The following SLC38A5 variants were observed in gnomAD, a reference collection of about 807,000 sequenced individuals.
SLC38A5 encodes the protein sodium-coupled neutral amino acid transporter 5.
Under a neutral mutation model 34.6 loss-of-function variants are expected in SLC38A5, and 9 were observed. The ratio of observed to expected loss-of-function variants is 0.26; its 90% CI spans 0.16 to 0.45. The LOEUF is 0.45. SLC38A5 is among the 20% of genes least tolerant of loss of function. SLC38A5 has a pLI of 1.00. For synonymous variants in SLC38A5, 157 were observed against 155.6 expected, an observed-to-expected ratio of 1.01 and a Z score of -0.07; for missense variants, 253 against 394.7, an observed-to-expected ratio of 0.64 and a Z score of 3.04.
Position 48,460,651 on chromosome X carries a change from G to T in SLC38A5, c.1066C>A (p.Pro356Thr). Residue 356 changes from proline (P) to threonine (T), a missense_variant and splice_region_variant, in exon 14 of 17, where the codon CCT (proline) becomes ACT (threonine). This residue lies in a region of SLC38A5 where 176 missense variants were observed against 273.0 expected (regional missense o/e 0.64). Coordinates refer to ENST00000620913, the MANE Select transcript of SLC38A5 (RefSeq NM_033518.4). ...TCTCAGCCGTGGGCCCCACGCACAGGGAACAGCACGACTGGCACAGTGAGG... is the reference window on the plus strand; with the variant it reads ...TCTCAGCCGTGGGCCCCACGCACAGTGAACAGCACGACTGGCACAGTGAGG... ...VTLTVPVVLF[P>T]IRRALQQLLF... The T allele has an allele frequency of 8.3e-7, 1 of 1,211,120 alleles. No individual in the cohort carries two copies. The highest frequency in any genetic ancestry group is 1.1e-6 in the Non-Finnish European group (1 of 895,078).
At position 48,469,377 on chromosome X, in the gene SLC38A5, G is replaced by T. The variant is rs1556964464; in HGVS notation, c.-44C>A. Reference sequence around the variant, plus strand: ...TGAAGTGGCCGCAACTCAGACTCAGGTTCGGGCACCCTCTCGGCTGCCTAG... The same window carrying T: ...TGAAGTGGCCGCAACTCAGACTCAGTTTCGGGCACCCTCTCGGCTGCCTAG... On this transcript the variant is annotated 5_prime_UTR_variant, in exon 2 of 17. Transcript: ENST00000620913. 1 of 109,736 alleles carries T rather than the reference G, an allele frequency of 9.1e-6. No homozygotes were observed. Among genetic ancestry groups the T allele is most frequent in the East Asian group, 2.8e-4 (1 of 3,529 alleles). The allele number at this position is 109,736 out of a possible 1,213,427, so 9.0% of individuals were successfully genotyped here.
Position 48,460,633 on chromosome X carries a change from C to T in SLC38A5, c.1068+16G>A, listed in dbSNP as rs181313374. On this transcript the variant is annotated intron_variant, in intron 14 of 16. Coordinates refer to ENST00000620913, the MANE Select transcript of SLC38A5 (RefSeq NM_033518.4). Reference sequence around the variant, plus strand: ...CCCATCCATCCATGTCCCTCTCAGCCGTGGGCCCCACGCACAGGGAACAGC... The same window carrying T: ...CCCATCCATCCATGTCCCTCTCAGCTGTGGGCCCCACGCACAGGGAACAGC... 497 of 1,203,897 alleles carry T rather than the reference C, an allele frequency of 4.1e-4. No homozygotes were observed. Among genetic ancestry groups the T allele is most frequent in the African/African-American group, 2.4e-3 (139 of 57,414 alleles).
At chrX:48,462,352 A>G (rs969108890) in intron 9 of SLC38A5, 61 bp from the exon 10 acceptor site, 57 of 1,117,270 alleles carry the variant, frequency 5.1e-5, no homozygotes, top group Non-Finnish European at 6.4e-5. Context: ...CACACCTATA[A>G]TCCTAGCGCT....
At chrX:48,468,390 G>A in intron 2 of SLC38A5, 1 of 766,756 alleles carries the variant, frequency 1.3e-6, no homozygotes, top group Non-Finnish European at 1.5e-6. Context: ...CGCGTGGCCA[G>A]GCGGCTCACT....
Position 48,459,869 on chromosome X carries a change from C to G in SLC38A5, c.1076G>C (p.Arg359Pro). 1 of 1,207,525 alleles carries G rather than the reference C, an allele frequency of 8.3e-7. No homozygotes were observed. Among genetic ancestry groups the G allele is most frequent in the Non-Finnish European group, 1.1e-6 (1 of 893,658 alleles). ...TGGGAAAAGCAGCTGCTGCAGGGCC[C>G]GGCGGATCTGTGGCCAGAGTAGGGT... Reference protein sequence around the residue: ...TVPVVLFPIRRALQQLLFPGK... With the variant: ...TVPVVLFPIRPALQQLLFPGK... The change falls in exon 15 of 17, where the codon CGG becomes CCG. Residue 359 changes from arginine to proline, a missense_variant. Physicochemically the swap from Arg to Pro is moderately radical, Grantham distance 103 (BLOSUM62 -2). Around this residue, in one of 3 missense-constraint regions of SLC38A5, gnomAD observed 176 missense variants for 273.0 expected, o/e 0.64. Transcript: ENST00000620913.
chrX:48,458,742 G>T lies in SLC38A5; in HGVS notation c.*191C>A. 2 of 1,054,955 alleles carry T rather than the reference G, an allele frequency of 1.9e-6. No individual in the cohort carries two copies. The highest frequency in any genetic ancestry group is 2.4e-6 in the Non-Finnish European group (2 of 820,700). The allele number at this position is 1,054,955 out of a possible 1,213,427, so 86.9% of individuals were successfully genotyped here. A position where few individuals can be genotyped will look rare whatever the true frequency, so the allele number is the denominator to read the frequency against. ...CCATGGGGTTGGGGTTGGGATTAGG[G>T]CCATGATCCAAGCTTGGCATCCCTG... On this transcript the variant is annotated 3_prime_UTR_variant, in exon 17 of 17. Transcript: ENST00000620913.
chrX:48,465,216 G>A (rs782743488), intron 8 of SLC38A5, among the ~76,000 whole-genome samples: 65 of 111,376 alleles, frequency 5.8e-4, no homozygotes, highest in Non-Finnish European at 9.2e-4. Flanking sequence ...CAGCGGATCC[G>A]GACTCACACA....
rs782519034 is a variant in SLC38A5, at chrX:48,465,601, C to T, written c.491+414G>A. Among the ~76,000 whole-genome samples, 15 of 111,813 alleles carry T rather than the reference C, an allele frequency of 1.3e-4. 1 individual carries two copies. In the South Asian group the frequency reaches 5.5e-3, roughly 41 times the overall value. ...GAAGTCAGAGTGACCGAGGGTAAGA[C>T]ACATATGGTTGGAATCCCAGTATAC... On this transcript the variant is annotated intron_variant, in intron 8 of 16. Coordinates refer to ENST00000620913, the MANE Select transcript of SLC38A5 (RefSeq NM_033518.4).
chrX:48,469,886 G>T (rs192887058), intron 1 of SLC38A5: 1 of 111,720 alleles, frequency 9.0e-6, no homozygotes. Context: ...AAACAGGTGG[G>T]TAGGGATAGG....
rs200336464 is a variant in SLC38A5, at chrX:48,462,882, C to A, written c.574+16G>T. 1.8e-5 allele frequency: 21 copies of A among 1,192,061 alleles called. No homozygotes were observed. The highest frequency in any genetic ancestry group is 2.2e-5 in the Non-Finnish European group (19 of 882,640). On this transcript the variant is annotated intron_variant, in intron 9 of 16. Coordinates refer to ENST00000620913, the MANE Select transcript of SLC38A5 (RefSeq NM_033518.4). ...CTAATCCCACTACCCAATGGCCAAC[C>A]CAGGGAGCCTCTTACCCAAGTGTTT...
At chrX:48,460,870 T>G in intron 13 of SLC38A5, 106 bp from the exon 14 acceptor site, 1 of 1,006,333 alleles carries the variant, frequency 9.9e-7, no homozygotes, top group East Asian at 3.3e-5. Flanking sequence ...TCCACACAAG[T>G]GAGGCACACC....
At position 48,467,894 on chromosome X, in the gene SLC38A5, C is replaced by T. The variant is rs1396553721; in HGVS notation, c.31G>A (p.Ala11Thr). Reference protein sequence around the residue: MELQDPKMNGALPSDAVGYRQ... With the variant: MELQDPKMNGTLPSDAVGYRQ... ...CACCCCACAGCATCCGAAGGGAGGGCTCCATTCATCTTTGGATCCTGCAGT... is the reference window on the plus strand; with the variant it reads ...CACCCCACAGCATCCGAAGGGAGGGTTCCATTCATCTTTGGATCCTGCAGT... The change falls in exon 3 of 17, where the codon GCC (alanine) becomes ACC (threonine). Residue 11 changes from alanine (A) to threonine (T), a missense_variant. Around this residue, in one of 3 missense-constraint regions of SLC38A5, gnomAD observed 40 missense variants for 36.4 expected, o/e 1.10. Coordinates refer to ENST00000620913, the MANE Select transcript of SLC38A5 (RefSeq NM_033518.4). The T allele has an allele frequency of 1.7e-6, 2 of 1,205,233 alleles. No individual in the cohort carries two copies. The highest frequency in any genetic ancestry group is 3.0e-5 in the East Asian group (1 of 33,632).
chrX:48,469,014 G>A (rs2061498379), intron 2 of SLC38A5: 2 of 751,157 alleles, frequency 2.7e-6, no homozygotes, highest in Non-Finnish European at 3.1e-6. Flanking sequence ...AGGTATCTCA[G>A]AAACCCCCAT....
Position 48,460,707 on chromosome X carries a change from C to A in SLC38A5, c.1010G>T (p.Cys337Phe). The change falls in exon 14 of 17, where the codon TGT (cysteine) becomes TTT (phenylalanine). Residue 337 changes from cysteine (C) to phenylalanine (F), a missense_variant. By Grantham distance (205) the Cys-to-Phe change is radical. Coordinates refer to ENST00000620913, the MANE Select transcript of SLC38A5 (RefSeq NM_033518.4). ...MYSQKDPLIL[C>F]VRLAVLLAVT... Reference sequence around the variant, plus strand: ...CGCGAGCAGCACGGCCAGGCGCACACAGAGGATGAGCGGGTCCTTCTGGCT... The same window carrying A: ...CGCGAGCAGCACGGCCAGGCGCACAAAGAGGATGAGCGGGTCCTTCTGGCT... 2 of 1,212,175 alleles carry A rather than the reference C, an allele frequency of 1.6e-6. No homozygotes were observed. Among genetic ancestry groups the A allele is most frequent in the Admixed American group, 2.2e-5 (1 of 46,086 alleles).
rs200267507 is a variant in SLC38A5, at chrX:48,469,500, G to A, written c.-103-64C>T. On this transcript the variant is annotated intron_variant, in intron 1 of 16. Transcript: ENST00000620913. ...TCTGGCCCTGGGCGGGGGAAGAGGT[G>A]GAGAAGGGGCGCCCCCTATCTGGAC... The A allele has an allele frequency of 9.9e-5, 11 of 111,207 alleles. No homozygotes were observed. In the East Asian group the frequency reaches 3.1e-3, roughly 32 times the overall value. 9.2% of individuals were successfully genotyped at this position (111,207 alleles called of 1,213,427 possible). A position where few individuals can be genotyped will look rare whatever the true frequency, so the allele number is the denominator to read the frequency against.
chrX:48,466,164 C>T, intron 7 of SLC38A5, 66 bp downstream of exon 7: 1 of 1,153,143 alleles, frequency 8.7e-7, no homozygotes. Context: ...CCCAGCCCAG[C>T]CTGGGGAAGC....
intron 12 of SLC38A5, among the ~76,000 whole-genome samples, chrX:48,461,397 T>C (rs1602022931): frequency 1.8e-5 from 2 of 111,659 alleles, no homozygotes; most frequent in East Asian, 5.6e-4. Flanking sequence ...TGCCTCCGCC[T>C]CTGTCTGTCC....
In SLC38A5 at chrX:48,460,975, G is replaced by A; in HGVS notation, c.952+11C>T. On this transcript the variant is annotated intron_variant, in intron 13 of 16. Coordinates refer to ENST00000620913, the MANE Select transcript of SLC38A5 (RefSeq NM_033518.4). Reference sequence around the variant, plus strand: ...CCCCCTCCCCCCAGCCCTAGCCCCAGCCCCACTCACTGTAGAAGGTGAGGT... The same window carrying A: ...CCCCCTCCCCCCAGCCCTAGCCCCAACCCCACTCACTGTAGAAGGTGAGGT... The A allele has an allele frequency of 1.6e-6, 1 of 615,747 alleles. No homozygotes were observed. Among genetic ancestry groups the A allele is most frequent in the Non-Finnish European group, 2.5e-6 (1 of 403,916 alleles). The allele number at this position is 615,747 out of a possible 1,213,427, so 50.7% of individuals were successfully genotyped here.
chrX:48,463,477 G>A (rs1556962397), intron 8 of SLC38A5, among the ~76,000 whole-genome samples: 1 of 110,690 alleles, frequency 9.0e-6, no homozygotes, highest in African/African-American at 3.3e-5. Flanking sequence ...GTGGTGGGGA[G>A]TGCCTGTAGT....
Sources: allele counts gnomAD v4.1 joint callset (sites outside exome capture counted in the v4.1 genomes callset), GRCh38; gene constraint gnomAD v4.1.1; regional missense constraint gnomAD v4.1.1; transcripts MANE v1.5; gene names NCBI Gene and HGNC (gene_info 2026-07-23, HGNC 2026-07-21).